Variants in KLHL24 observed in about 807,000 individuals in gnomAD.
KLHL24 encodes kelch like family member 24, also known as kelch-like protein 24.
KLHL24 carries 29 observed loss-of-function variants against 53.4 expected under a neutral mutation model. That is an observed-to-expected ratio of 0.54 (90% CI 0.40 to 0.74). The LOEUF (loss-of-function observed/expected upper bound fraction) is 0.74. Ranked by LOEUF, KLHL24 falls within the 30% of genes least tolerant of loss-of-function variation. KLHL24 has a pLI of 0.00. For synonymous variants in KLHL24, 222 were observed against 253.7 expected (o/e 0.88, Z 1.19); for missense variants, 504 against 744.0 (o/e 0.68, Z 3.75).
chr3:183,650,354 A>G lies in KLHL24; in HGVS notation c.-3A>G. Reference sequence around the variant, plus strand: ...AACAATTATATAGTCAACTGATGTAACAATGGTACTAATATTGGGACGCAG... The same window carrying G: ...AACAATTATATAGTCAACTGATGTAGCAATGGTACTAATATTGGGACGCAG... On this transcript the variant is annotated 5_prime_UTR_variant, in exon 3 of 8. It removes the in-frame stop codon of an upstream open reading frame in the 5' UTR. Transcript: ENST00000242810. The surrounding 1 kb of genome is among the most constrained non-coding windows in gnomAD (Gnocchi z 4.5). 1 of 1,606,386 alleles carries G rather than the reference A, an allele frequency of 6.2e-7. No individual in the cohort carries two copies. The highest frequency in any genetic ancestry group is 2.2e-5 in the East Asian group (1 of 44,764).
At chr3:183,648,709 A>G (rs1190652185) in intron 2 of KLHL24, among the ~76,000 whole-genome samples, 1 of 152,100 alleles carries the variant, frequency 6.6e-6, no homozygotes, top group Non-Finnish European at 1.5e-5. Flanking sequence ...AATTAACCTT[A>G]AAGAGAATTG....
chr3:183,682,828 G>A lies in KLHL24; in HGVS notation c.*3542G>A, dbSNP rs931519499. On this transcript the variant is annotated 3_prime_UTR_variant, in exon 8 of 8. Coordinates refer to ENST00000242810, the MANE Select transcript of KLHL24 (RefSeq NM_017644.3). ...GATATGGCAATAGATTTTTTAAATTGCTGTGAGAACCCATATATGAAAAGA... is the reference window on the plus strand; with the variant it reads ...GATATGGCAATAGATTTTTTAAATTACTGTGAGAACCCATATATGAAAAGA... The A allele has an allele frequency of 6.6e-6, 1 of 151,816 alleles. No homozygotes were observed. The highest frequency in any genetic ancestry group is 1.5e-5 in the Non-Finnish European group (1 of 67,964). The allele number at this position is 151,816 out of a possible 1,614,324, so 9.4% of individuals were successfully genotyped here. A position where few individuals can be genotyped will look rare whatever the true frequency, so the allele number is the denominator to read the frequency against.
intron 2 of KLHL24, among the ~76,000 whole-genome samples, chr3:183,647,584 G>C (rs1336948721): frequency 6.6e-6 from 1 of 152,042 alleles, no homozygotes; most frequent in Non-Finnish European, 1.5e-5. Context: ...GCTGGCGCGT[G>C]CCTGTAGTCC....
chr3:183,649,687 G>A (rs1717855559), intron 2 of KLHL24, among the ~76,000 whole-genome samples: 1 of 151,846 alleles, frequency 6.6e-6, no homozygotes, highest in Non-Finnish European at 1.5e-5. Context: ...AGGCTGAGGT[G>A]AGAGGATCGC....
At chr3:183,675,785 AAAG>A (rs1042751373) in intron 7 of KLHL24, among the ~76,000 whole-genome samples, 4 of 149,776 alleles carry the variant, frequency 2.7e-5, no homozygotes, top group Non-Finnish European at 6.0e-5. Context: ...TTTAAAAAAA[AAAG>A]AAAGAAAAAA....
intron 3 of KLHL24, among the ~76,000 whole-genome samples, chr3:183,657,288 G>A (rs563802055): frequency 1.3e-5 from 2 of 152,214 alleles, no homozygotes; most frequent in East Asian, 1.9e-4. Context: ...CAAGTTGTTC[G>A]TGTCTATGAA....
At chr3:183,659,629 A>G (rs922349571) in intron 3 of KLHL24, among the ~76,000 whole-genome samples, 1 of 152,252 alleles carries the variant, frequency 6.6e-6, no homozygotes, top group Non-Finnish European at 1.5e-5. Context: ...CTAAAAAGCT[A>G]TCAGAAACCA....
rs772593443 is a variant in KLHL24, at chr3:183,663,650, T to C, written c.1105+8T>C. 5 of 1,492,548 alleles carry C rather than the reference T, an allele frequency of 3.3e-6. No homozygotes were observed. Among genetic ancestry groups the C allele is most frequent in the Non-Finnish European group, 4.5e-6 (5 of 1,102,522 alleles). 92.5% of individuals were successfully genotyped at this position (1,492,548 alleles called of 1,614,324 possible). A position where few individuals can be genotyped will look rare whatever the true frequency, so the allele number is the denominator to read the frequency against. The stretch of plus-strand genomic sequence containing the variant: ...ATGACATTCTTGTTTCAGGTAAATA[T>C]AGAATTATTACAGTAGCTACTTTTA... On this transcript the variant is annotated splice_region_variant and intron_variant, in intron 4 of 7. Transcript: ENST00000242810. This position sits in a 1 kb window ranked among gnomAD's most constrained non-coding sequence, Gnocchi z 4.9.
At chr3:183,674,302 TCCTTTCTTCCTTC>T (rs1697259598) in intron 7 of KLHL24, among the ~76,000 whole-genome samples, 1 of 144,548 alleles carries the variant, frequency 6.9e-6, no homozygotes, top group Non-Finnish European at 1.5e-5. Context: ...TTTCTTTCTT[TCCTTTCTTCCTTC>T]CTTCCTTCCC....
Position 183,683,063 on chromosome 3 carries a change from C to T in KLHL24, c.*3777C>T, listed in dbSNP as rs1363932069. 6.6e-6 allele frequency: 1 copy of T among 152,164 alleles called. No individual in the cohort carries two copies. Among genetic ancestry groups the T allele is most frequent in the Non-Finnish European group, 1.5e-5 (1 of 68,174 alleles). 9.4% of individuals were successfully genotyped at this position (152,164 alleles called of 1,614,324 possible). On this transcript the variant is annotated 3_prime_UTR_variant, in exon 8 of 8. Coordinates refer to ENST00000242810, the MANE Select transcript of KLHL24 (RefSeq NM_017644.3). ...CCGGGTTCAAGGGATTCTGCCTCAG[C>T]CTCCCGAGTAGCTGAGACCACAGGT... is the stretch of plus-strand genomic sequence containing the variant.
At chr3:183,675,722 CA>C (rs1181761368) in intron 7 of KLHL24, among the ~76,000 whole-genome samples, 1 of 150,612 alleles carries the variant, frequency 6.6e-6, no homozygotes, top group Non-Finnish European at 1.5e-5. Context: ...CACCTGAGGC[CA>C]AGAGTTAGGG....
intron 5 of KLHL24, among the ~76,000 whole-genome samples, chr3:183,668,882 G>C (rs1282605495): frequency 6.6e-6 from 1 of 152,016 alleles, no homozygotes; most frequent in East Asian, 1.9e-4. Context: ...CGGTGACAGA[G>C]TGAGACTCTG....
chr3:183,669,881 GGAA>G (rs1044617837), intron 5 of KLHL24, among the ~76,000 whole-genome samples: 3 of 152,144 alleles, frequency 2.0e-5, no homozygotes, highest in Non-Finnish European at 2.9e-5. Context: ...AAGATGCTGT[GGAA>G]GAAGACTCAG....
intron 5 of KLHL24, 104 bp from the exon 6 acceptor site, chr3:183,670,930 T>C: frequency 1.3e-6 from 1 of 766,128 alleles, no homozygotes; most frequent in South Asian, 1.9e-5. Context: ...TATATTTATT[T>C]AGCAAGGGCA....
At chr3:183,636,953 A>G (rs1715371751) in intron 1 of KLHL24, among the ~76,000 whole-genome samples, 1 of 152,148 alleles carries the variant, frequency 6.6e-6, no homozygotes, top group Non-Finnish European at 1.5e-5. Context: ...CTGCCCTCCG[A>G]GGACCGGAAA....
chr3:183,664,304 T>A (rs1288119415), intron 4 of KLHL24, among the ~76,000 whole-genome samples: 1 of 152,224 alleles, frequency 6.6e-6, no homozygotes, highest in Non-Finnish European at 1.5e-5. Context: ...TCACCCATGT[T>A]TTCTGAAATT....
At position 183,682,682 on chromosome 3, in the gene KLHL24, T is replaced by C. The variant is rs1390446721; in HGVS notation, c.*3396T>C. ...CTGATACATTTTATCTTACTGAATA[T>C]GAATTGTTTATGTATCTCTACTGTC... On this transcript the variant is annotated 3_prime_UTR_variant, in exon 8 of 8. Coordinates refer to ENST00000242810, the MANE Select transcript of KLHL24 (RefSeq NM_017644.3). The C allele has an allele frequency of 6.6e-6, 1 of 152,606 alleles. No individual in the cohort carries two copies. Among genetic ancestry groups the C allele is most frequent in the Non-Finnish European group, 1.5e-5 (1 of 68,026 alleles). The allele number at this position is 152,606 out of a possible 1,614,324, so 9.5% of individuals were successfully genotyped here.
intron 2 of KLHL24, among the ~76,000 whole-genome samples, chr3:183,646,706 G>C (rs1229896648): frequency 6.6e-6 from 1 of 152,190 alleles, no homozygotes; most frequent in Non-Finnish European, 1.5e-5. Context: ...TTTTTAAAAT[G>C]TAATAGAAGT....
chr3:183,675,524 G>A (rs531637992), intron 7 of KLHL24, among the ~76,000 whole-genome samples: 1 of 152,270 alleles, frequency 6.6e-6, no homozygotes, highest in Admixed American at 6.5e-5. Context: ...CTACTTGCAT[G>A]AGAATCCTCA....
Sources: allele counts gnomAD v4.1 joint callset (sites outside exome capture counted in the v4.1 genomes callset), GRCh38; gene constraint gnomAD v4.1.1; non-coding constraint Gnocchi (gnomAD v3.1); transcripts MANE v1.5; gene names NCBI Gene and HGNC (gene_info 2026-07-23, HGNC 2026-07-21).